Variants in SOX6 observed in about 807,000 individuals in gnomAD.
SOX6 encodes SRY-box transcription factor 6, also known as transcription factor SOX-6.
SOX6 carries 11 observed loss-of-function variants against 97.8 expected under a neutral mutation model. That is an observed-to-expected ratio of 0.11 (90% CI 0.07 to 0.19). The LOEUF is 0.19. Ranked by LOEUF, SOX6 falls within the 10% of genes least tolerant of loss-of-function variation. The probability of loss-of-function intolerance (pLI) is 1.00; values close to 1 mark genes in which losing one functional copy is unlikely to be tolerated. For missense variants in SOX6, 810 were observed against 1,039.5 expected (o/e 0.78, Z 3.04); for synonymous variants, 360 against 371.4 (o/e 0.97, Z 0.35).
chr11:16,203,170 T>G (rs544207275), intron 4 of SOX6, among the ~76,000 whole-genome samples: 5 of 152,268 alleles, frequency 3.3e-5, no homozygotes, highest in Admixed American at 6.5e-5. Context: ...CAACCCAATG[T>G]AACTGAATAT....
At chr11:16,089,148 G>A (rs537250480) in intron 9 of SOX6, among the ~76,000 whole-genome samples, 1 of 152,206 alleles carries the variant, frequency 6.6e-6, no homozygotes, top group Admixed American at 6.5e-5. Context: ...TTCTCCAAAT[G>A]AATATGAAGA....
chr11:16,522,649 A>C (rs1861087231), intron 4 of SOX6, among the ~76,000 whole-genome samples: 1 of 152,316 alleles, frequency 6.6e-6, no homozygotes, highest in Admixed American at 6.5e-5. Flanking sequence ...TTAAATGTAA[A>C]TGGACTAAAT....
At chr11:16,250,784 A>C (rs1853486849) in intron 3 of SOX6, among the ~76,000 whole-genome samples, 1 of 152,092 alleles carries the variant, frequency 6.6e-6, no homozygotes, top group African/African-American at 2.4e-5. Flanking sequence ...ATCAACAGAG[A>C]TATAGAATAT....
At chr11:16,011,653 C>A (rs1467199608) in intron 13 of SOX6, among the ~76,000 whole-genome samples, 1 of 151,996 alleles carries the variant, frequency 6.6e-6, no homozygotes, top group Non-Finnish European at 1.5e-5. Context: ...TCATGGCTGG[C>A]AGACATTTTT....
At chr11:16,714,742 G>T (rs562715081) in intron 3 of SOX6, 1 of 152,258 alleles carries the variant, frequency 6.6e-6, no homozygotes, top group East Asian at 1.9e-4. Context: ...GAGCCACTGC[G>T]CCCAGCCGTT....
At chr11:15,996,285 G>A (rs1854223130) in intron 13 of SOX6, among the ~76,000 whole-genome samples, 1 of 152,084 alleles carries the variant, frequency 6.6e-6, no homozygotes, top group South Asian at 2.1e-4. Flanking sequence ...TTAACTGTAA[G>A]GATACTCAAT....
At chr11:16,539,873 C>A (rs920892678) in intron 4 of SOX6, among the ~76,000 whole-genome samples, 3 of 152,080 alleles carry the variant, frequency 2.0e-5, no homozygotes, top group African/African-American at 7.2e-5. Context: ...GACTCACAGC[C>A]AAATTCTACC....
intron 1 of SOX6, among the ~76,000 whole-genome samples, chr11:16,380,554 G>T (rs1304051864): frequency 6.6e-6 from 1 of 151,602 alleles, no homozygotes; most frequent in Non-Finnish European, 1.5e-5. Flanking sequence ...ATGGCTAAAT[G>T]CAAAAAAAAC....
At chr11:16,394,467 C>T (rs1435261651) in intron 1 of SOX6, among the ~76,000 whole-genome samples, 2 of 151,806 alleles carry the variant, frequency 1.3e-5, no homozygotes, top group East Asian at 3.9e-4. Flanking sequence ...ATCTTTTAGC[C>T]TTGGACTTAA....
At chr11:16,437,875 T>C (rs1859414320) in intron 1 of SOX6, among the ~76,000 whole-genome samples, 1 of 152,236 alleles carries the variant, frequency 6.6e-6, no homozygotes, top group South Asian at 2.1e-4. Context: ...AAGTGATTAG[T>C]ACAGTGTCTG....
intron 1 of SOX6, among the ~76,000 whole-genome samples, chr11:16,460,836 T>C (rs1235133570): frequency 1.3e-5 from 2 of 152,082 alleles, no homozygotes; most frequent in Non-Finnish European, 2.9e-5. Context: ...TAATCTCTAG[T>C]ATCTTCAATT....
At chr11:16,676,043 A>G (rs1054114339) in intron 3 of SOX6, among the ~76,000 whole-genome samples, 1 of 148,574 alleles carries the variant, frequency 6.7e-6, no homozygotes, top group African/African-American at 2.4e-5. Flanking sequence ...CTCTTCTGGG[A>G]CTCCAACTAT....
At chr11:16,719,386 A>G (rs1848242289) in intron 2 of SOX6, among the ~76,000 whole-genome samples, 1 of 152,204 alleles carries the variant, frequency 6.6e-6, no homozygotes, top group Admixed American at 6.5e-5. Context: ...GATGATCAAA[A>G]GTACACACTC....
chr11:16,207,661 G>T (rs1489860491), intron 4 of SOX6, among the ~76,000 whole-genome samples: 2 of 151,578 alleles, frequency 1.3e-5, no homozygotes, highest in Non-Finnish European at 2.9e-5. Context: ...CATTTTATGT[G>T]CTGTTCTAGA....
chr11:16,312,765 T>C (rs978052983), intron 3 of SOX6: 18 of 152,222 alleles, frequency 1.2e-4, no homozygotes, highest in African/African-American at 3.9e-4. Flanking sequence ...ATTCATTTTC[T>C]GTCGCTTATG....
intron 3 of SOX6, among the ~76,000 whole-genome samples, chr11:16,268,439 TATC>T (rs1335099309): frequency 2.6e-5 from 4 of 151,238 alleles, no homozygotes; most frequent in African/African-American, 7.3e-5. Context: ...CAAAAACTAT[TATC>T]AGGGATAAAG....
At chr11:16,343,676 A>G (rs1399130175) in intron 1 of SOX6, among the ~76,000 whole-genome samples, 8 of 151,904 alleles carry the variant, frequency 5.3e-5, no homozygotes, top group African/African-American at 1.9e-4. Flanking sequence ...ATAGAAAATT[A>G]TCTTCAAATG....
chr11:16,010,520 G>T (rs1180875597), intron 13 of SOX6, among the ~76,000 whole-genome samples: 1 of 151,934 alleles, frequency 6.6e-6, no homozygotes, highest in Non-Finnish European at 1.5e-5. Flanking sequence ...TGTTTTAAAG[G>T]TGTTAGAAGA....
At position 16,070,531 on chromosome 11, in the gene SOX6, T is replaced by C. The variant is rs965434059; in HGVS notation, c.1102-14630A>G. 2.0e-5 allele frequency among the ~76,000 whole-genome samples: 3 copies of C among 151,538 alleles called. No homozygotes were observed. In the South Asian group the frequency reaches 6.2e-4, roughly 32 times the overall value. The stretch of plus-strand genomic sequence containing the variant: ...AGTTGCAAATAATTAAGAAACAATG[T>C]GGGGAGAGGGGGCCAAGATGGTAGA... On this transcript the variant is annotated intron_variant, in intron 9 of 15. Transcript: ENST00000683767.
Sources: gnomAD v4.1 joint callset for allele counts (sites outside exome capture counted in the v4.1 genomes callset) on GRCh38, gnomAD v4.1.1 for gene constraint, MANE v1.5 for transcripts, NCBI Gene and HGNC (gene_info 2026-07-23, HGNC 2026-07-21) for gene names.